The following DLG2 variants were observed in gnomAD, a reference collection of about 807,000 sequenced individuals.
DLG2 encodes discs large MAGUK scaffold protein 2, also known as disks large homolog 2.
In DLG2, 45 loss-of-function variants were observed where a neutral mutation model predicts 132.5. The observed-to-expected ratio is 0.34, with a 90% CI of 0.27 to 0.44. DLG2 has a LOEUF of 0.44. DLG2 is among the 20% of genes least tolerant of loss of function. The pLI is 1.00. For missense variants in DLG2, 1,045 were observed against 1,196.9 expected (o/e 0.87, Z 1.87); for synonymous variants, 424 against 419.6 (o/e 1.01, Z -0.13).
chr11:83,565,180 G>A (rs1166334815), intron 19 of DLG2, among the ~76,000 whole-genome samples: 1 of 152,152 alleles, frequency 6.6e-6, no homozygotes, highest in Non-Finnish European at 1.5e-5. Flanking sequence ...CTGTTACTGA[G>A]TACTGAGATT....
intron 9 of DLG2, among the ~76,000 whole-genome samples, chr11:84,120,781 T>C (rs922675288): frequency 2.0e-5 from 3 of 152,242 alleles, no homozygotes; most frequent in African/African-American, 7.2e-5. Context: ...GAGGCTAACA[T>C]AGTCATGCTA....
chr11:85,472,272 C>T (rs2093008338), intron 3 of DLG2, among the ~76,000 whole-genome samples: 1 of 152,114 alleles, frequency 6.6e-6, no homozygotes, highest in South Asian at 2.1e-4. Context: ...GGCTACCCAC[C>T]TCAGGTCCTC....
At chr11:84,419,854 C>A (rs1324074230) in intron 7 of DLG2, among the ~76,000 whole-genome samples, 1 of 152,192 alleles carries the variant, frequency 6.6e-6, no homozygotes, top group Non-Finnish European at 1.5e-5. Flanking sequence ...TTATTACACA[C>A]TGCGTGCTTG....
chr11:85,525,565 A>C (rs891563185), intron 3 of DLG2, among the ~76,000 whole-genome samples: 2 of 152,242 alleles, frequency 1.3e-5, no homozygotes, highest in African/African-American at 4.8e-5. Context: ...TCTACTATGA[A>C]ACAGGATGGA....
At chr11:85,157,934 T>C (rs944695335) in intron 4 of DLG2, among the ~76,000 whole-genome samples, 4 of 151,796 alleles carry the variant, frequency 2.6e-5, no homozygotes, top group African/African-American at 9.7e-5. Flanking sequence ...TTTCCACCGT[T>C]GTCTGAGGAG....
chr11:85,275,469 T>C (rs2077830325), intron 4 of DLG2, among the ~76,000 whole-genome samples: 1 of 152,130 alleles, frequency 6.6e-6, no homozygotes, highest in African/African-American at 2.4e-5. Flanking sequence ...AAAATAATAA[T>C]GAAATTCTAA....
chr11:83,704,654 TAAAA>T (rs769615246), intron 18 of DLG2, among the ~76,000 whole-genome samples: 2 of 105,992 alleles, frequency 1.9e-5, no homozygotes, highest in Non-Finnish European at 1.9e-5. Flanking sequence ...CCGTCTCTAC[TAAAA>T]AAAAAAAAAA....
chr11:84,014,520 T>A (rs894303292), intron 11 of DLG2, among the ~76,000 whole-genome samples: 15 of 152,208 alleles, frequency 9.9e-5, no homozygotes, highest in Non-Finnish European at 2.2e-4. Context: ...TCTGGTCAAC[T>A]AGTCTTGTTC....
chr11:84,814,597 C>G (rs1383814358), intron 6 of DLG2, among the ~76,000 whole-genome samples: 1 of 152,022 alleles, frequency 6.6e-6, no homozygotes, highest in Non-Finnish European at 1.5e-5. Context: ...CCTTAAATTA[C>G]GTGCAGTTCT....
chr11:83,964,828 A>AAG (rs2089817944), intron 13 of DLG2, among the ~76,000 whole-genome samples: 1 of 151,960 alleles, frequency 6.6e-6, no homozygotes, highest in Admixed American at 6.6e-5. Flanking sequence ...ACTTGCCAAT[A>AAG]TAACAAATTC....
intron 6 of DLG2, among the ~76,000 whole-genome samples, chr11:84,687,949 A>G (rs1024201373): frequency 2.0e-5 from 3 of 152,208 alleles, no homozygotes; most frequent in Admixed American, 6.5e-5. Flanking sequence ...ACAGTACTGC[A>G]TTTAAGTACT....
intron 6 of DLG2, among the ~76,000 whole-genome samples, chr11:84,546,206 T>C (rs954867028): frequency 1.8e-4 from 27 of 152,118 alleles, no homozygotes; most frequent in Admixed American, 1.7e-3. Flanking sequence ...TTTCTAATGG[T>C]TTAGCATCAT....
intron 7 of DLG2, among the ~76,000 whole-genome samples, chr11:84,475,088 T>C (rs555498714): frequency 2.6e-5 from 4 of 152,286 alleles, no homozygotes; most frequent in African/African-American, 7.2e-5. Flanking sequence ...TATAGAAGCA[T>C]GAGCTGATAG....
intron 7 of DLG2, among the ~76,000 whole-genome samples, chr11:84,284,307 A>C (rs1168107664): frequency 6.6e-6 from 1 of 152,268 alleles, no homozygotes; most frequent in Non-Finnish European, 1.5e-5. Context: ...GGCAAGACTC[A>C]CATGACTGTG....
chr11:83,681,239 G>T (rs979617188), intron 18 of DLG2, among the ~76,000 whole-genome samples: 3 of 152,164 alleles, frequency 2.0e-5, no homozygotes, highest in African/African-American at 7.2e-5. Context: ...ACACAGCAGA[G>T]AGTCTAAGAA....
At chr11:85,356,642 A>G (rs752510063) in intron 3 of DLG2, among the ~76,000 whole-genome samples, 1 of 152,192 alleles carries the variant, frequency 6.6e-6, no homozygotes, top group South Asian at 2.1e-4. Context: ...TGATCAGTCA[A>G]TGATCTCAAG....
At chr11:85,265,731 TG>T (rs1406537170) in intron 4 of DLG2, among the ~76,000 whole-genome samples, 1 of 152,250 alleles carries the variant, frequency 6.6e-6, no homozygotes, top group Non-Finnish European at 1.5e-5. Flanking sequence ...CCCACCATCC[TG>T]TGCCTATAAA....
At chr11:83,693,686 G>C (rs776536223) in intron 18 of DLG2, 3 of 152,158 alleles carry the variant, frequency 2.0e-5, no homozygotes, top group Non-Finnish European at 4.4e-5. Flanking sequence ...TTAGCTCTCC[G>C]GGTGAATAAT....
chr11:84,196,789 C>T (rs2096524775), intron 8 of DLG2, among the ~76,000 whole-genome samples: 2 of 151,580 alleles, frequency 1.3e-5, no homozygotes, highest in East Asian at 3.9e-4. Flanking sequence ...ACCTGCAATC[C>T]CAGCACTTTG....
Sources: allele counts gnomAD v4.1 joint callset (sites outside exome capture counted in the v4.1 genomes callset), GRCh38; gene constraint gnomAD v4.1.1; transcripts MANE v1.5; gene names NCBI Gene and HGNC (gene_info 2026-07-23, HGNC 2026-07-21).